The following SH3GL3 variants were observed in gnomAD, a reference collection of about 807,000 sequenced individuals.
SH3GL3 encodes the protein endophilin-A3.
A neutral mutation model predicts 47.7 loss-of-function variants in SH3GL3; 33 were observed. That is an observed-to-expected ratio of 0.69 (90% CI 0.52 to 0.92). The LOEUF is 0.92. Among genes scored for constraint, SH3GL3 ranks in the 40% least tolerant of loss-of-function variants. The pLI is 0.00. For synonymous variants in SH3GL3, 155 were observed against 148.8 expected (o/e 1.04, Z -0.30); for missense variants, 363 against 417.8 (o/e 0.87, Z 1.14).
downstream of SH3GL3, among the ~76,000 whole-genome samples, chr15:83,621,113 C>G (rs2060914615): frequency 6.6e-6 from 1 of 152,228 alleles, no homozygotes; most frequent in Admixed American, 6.5e-5. Context: ...CATCAGACCA[C>G]TCAAACTTTC....
chr15:83,576,772 A>G, intron 6 of SH3GL3, 31 bp downstream of exon 6: 1 of 1,402,044 alleles, frequency 7.1e-7, no homozygotes, highest in South Asian at 1.2e-5. Flanking sequence ...GGAGATTTTA[A>G]TGTAAATGAA....
intron 1 of SH3GL3, among the ~76,000 whole-genome samples, chr15:83,534,297 A>G (rs963758001): frequency 2.0e-5 from 3 of 152,184 alleles, no homozygotes; most frequent in Admixed American, 1.3e-4. Context: ...TCTTTTCTCT[A>G]TAAATTACCC....
intron 6 of SH3GL3, among the ~76,000 whole-genome samples, chr15:83,577,975 C>T (rs1316028407): frequency 6.6e-6 from 1 of 152,220 alleles, no homozygotes; most frequent in Non-Finnish European, 1.5e-5. Flanking sequence ...TCATAGCCCA[C>T]ATTGAGGACA....
intron 1 of SH3GL3, among the ~76,000 whole-genome samples, chr15:83,460,423 A>G (rs541934326): frequency 1.3e-5 from 2 of 152,216 alleles, no homozygotes; most frequent in South Asian, 4.1e-4. Flanking sequence ...CCTTCGACAC[A>G]TACTTTTCCA....
chr15:83,492,890 A>G (rs2041933799), intron 1 of SH3GL3, among the ~76,000 whole-genome samples: 1 of 152,188 alleles, frequency 6.6e-6, no homozygotes, highest in Non-Finnish European at 1.5e-5. Context: ...GTCACCTCCC[A>G]GTTAAACCAT....
chr15:83,534,705 G>A (rs1291735054), intron 1 of SH3GL3, among the ~76,000 whole-genome samples: 1 of 152,134 alleles, frequency 6.6e-6, no homozygotes, highest in African/African-American at 2.4e-5. Context: ...CTTGTTCTCA[G>A]CAACATTAAA....
intron 8 of SH3GL3, among the ~76,000 whole-genome samples, chr15:83,600,470 C>T (rs966850762): frequency 2.0e-5 from 3 of 152,074 alleles, no homozygotes; most frequent in African/African-American, 7.2e-5. Flanking sequence ...TTTATGCTTT[C>T]GTTTGCTTTG....
At chr15:83,590,593 GTTT>G (rs1230627556) in intron 8 of SH3GL3, among the ~76,000 whole-genome samples, 1 of 152,176 alleles carries the variant, frequency 6.6e-6, no homozygotes, top group Non-Finnish European at 1.5e-5. Context: ...TGTTGTCACT[GTTT>G]TTTATTTTAG....
chr15:83,481,897 A>G (rs2041375218), intron 1 of SH3GL3, among the ~76,000 whole-genome samples: 1 of 152,200 alleles, frequency 6.6e-6, no homozygotes. Flanking sequence ...AGGCATTGAA[A>G]TCTGTTGTGG....
chr15:83,472,875 T>C (rs1243019691), intron 1 of SH3GL3, among the ~76,000 whole-genome samples: 7 of 152,214 alleles, frequency 4.6e-5, no homozygotes, highest in Admixed American at 2.6e-4. Flanking sequence ...TGGGGGGCAC[T>C]GCCTTGTTAC....
At chr15:83,460,592 A>G (rs1202890864) in intron 1 of SH3GL3, among the ~76,000 whole-genome samples, 1 of 152,190 alleles carries the variant, frequency 6.6e-6, no homozygotes, top group African/African-American at 2.4e-5. Context: ...TTAAGAATTT[A>G]TGGTGCTTTG....
At chr15:83,522,743 G>T (rs1567299668) in intron 1 of SH3GL3, among the ~76,000 whole-genome samples, 1 of 152,204 alleles carries the variant, frequency 6.6e-6, no homozygotes, top group Non-Finnish European at 1.5e-5. Flanking sequence ...TTTAAAACAT[G>T]CTCTGAGACC....
At chr15:83,601,794 TG>T (rs2060387512) in intron 8 of SH3GL3, among the ~76,000 whole-genome samples, 1 of 152,052 alleles carries the variant, frequency 6.6e-6, no homozygotes, top group African/African-American at 2.4e-5. Context: ...TTTGAATGTC[TG>T]ATAGAATTCA....
chr15:83,489,610 C>T (rs1468569137), intron 1 of SH3GL3, among the ~76,000 whole-genome samples: 1 of 152,184 alleles, frequency 6.6e-6, no homozygotes, highest in South Asian at 2.1e-4. Context: ...TCCAGTGTCC[C>T]TAGGGCACAG....
chr15:83,614,437 G>A (rs1202671275), intron 8 of SH3GL3, among the ~76,000 whole-genome samples: 1 of 152,166 alleles, frequency 6.6e-6, no homozygotes, highest in Non-Finnish European at 1.5e-5. Flanking sequence ...CAGTACAGGA[G>A]CTGCCTCCCT....
At chr15:83,620,697 A>G (rs753206785), downstream of SH3GL3, among the ~76,000 whole-genome samples, 1 of 152,256 alleles carries the variant, frequency 6.6e-6, no homozygotes, top group Non-Finnish European at 1.5e-5. Context: ...ATCATTCTTA[A>G]GGACCCTAAA....
intron 8 of SH3GL3, among the ~76,000 whole-genome samples, chr15:83,602,178 C>T (rs2060402226): frequency 6.6e-6 from 1 of 152,124 alleles, no homozygotes; most frequent in East Asian, 1.9e-4. Flanking sequence ...TTAGATATTT[C>T]CTCTTACACC....
intron 8 of SH3GL3, among the ~76,000 whole-genome samples, chr15:83,592,676 C>T (rs908280320): frequency 2.0e-5 from 3 of 152,328 alleles, no homozygotes; most frequent in South Asian, 4.1e-4. Context: ...ATTTTAAGCT[C>T]GCTGAGGAAT....
chr15:83,527,052 G>T (rs2043454949), intron 1 of SH3GL3, among the ~76,000 whole-genome samples: 1 of 152,060 alleles, frequency 6.6e-6, no homozygotes, highest in Non-Finnish European at 1.5e-5. Context: ...GATTTTTGCA[G>T]GTTGATTTTG....
Sources: allele counts gnomAD v4.1 joint callset (sites outside exome capture counted in the v4.1 genomes callset), GRCh38; gene constraint gnomAD v4.1.1; transcripts MANE v1.5; gene names NCBI Gene and HGNC (gene_info 2026-07-23, HGNC 2026-07-21).